Variants in PRKN observed in about 807,000 individuals in gnomAD.
PRKN encodes E3 ubiquitin-protein ligase parkin.
In PRKN, 56 loss-of-function variants were observed where a neutral mutation model predicts 59.5. That is an observed-to-expected ratio of 0.94 (90% confidence interval 0.76 to 1.18). The LOEUF (loss-of-function observed/expected upper bound fraction) is 1.18. Among genes scored for constraint, PRKN ranks in the 50% most tolerant of loss-of-function variants. The pLI, the probability that PRKN is intolerant of heterozygous loss-of-function variation, is 0.00. For synonymous variants in PRKN, 250 were observed against 222.1 expected (o/e 1.13, Z -1.12); for missense variants, 657 against 596.4 (o/e 1.10, Z -1.06).
chr6:162,252,846 A>T (rs1292285060), intron 3 of PRKN, among the ~76,000 whole-genome samples: 1 of 152,262 alleles, frequency 6.6e-6, no homozygotes, highest in Non-Finnish European at 1.5e-5. Flanking sequence ...GATGAGAATG[A>T]ACTATATTTC....
rs1400251175 is a variant in PRKN, at chr6:161,425,753, C to G, written c.1084-38876G>C. On this transcript the variant is annotated intron_variant, in intron 9 of 11. Coordinates refer to ENST00000366898, the MANE Select transcript of PRKN (RefSeq NM_004562.3). ...AAGTATTATGAGGAGATGAATTTGT[C>G]CAAATACTCAAATTTTGTGCTTTGT... is the stretch of plus-strand genomic sequence containing the variant. Among the ~76,000 whole-genome samples, 4 of 152,196 alleles carry G rather than the reference C, an allele frequency of 2.6e-5. No homozygotes were observed. In the South Asian group the frequency reaches 6.2e-4, roughly 24 times the overall value.
intron 7 of PRKN, among the ~76,000 whole-genome samples, chr6:161,691,858 T>C (rs906109710): frequency 6.6e-6 from 1 of 151,118 alleles, no homozygotes; most frequent in Non-Finnish European, 1.5e-5. Context: ...TCGATGAAGA[T>C]CTTAAAGGCG....
chr6:162,133,745 T>C (rs189357126), intron 4 of PRKN, among the ~76,000 whole-genome samples: 1 of 152,288 alleles, frequency 6.6e-6, no homozygotes, highest in East Asian at 1.9e-4. Flanking sequence ...CAAAGAGAAG[T>C]GGCCCATGTG....
At chr6:161,415,592 G>GCCACC (rs1562432936) in intron 9 of PRKN, among the ~76,000 whole-genome samples, 9 of 36,238 alleles carry the variant, frequency 2.5e-4, no homozygotes, top group South Asian at 2.0e-3. Context: ...AGGAAATGTC[G>GCCACC]CCCCCCCCCC....
In PRKN at chr6:161,347,905, C is replaced by T. The variant is rs149239597; in HGVS notation, c.*2194G>A. On this transcript the variant is annotated 3_prime_UTR_variant, in exon 12 of 12. Coordinates refer to ENST00000366898, the MANE Select transcript of PRKN (RefSeq NM_004562.3). ...TGCTGGGATTACAGGCATGAGCCAC[C>T]GCGCCCGGCCTGCTCTAACTTATTT... 428 of 159,714 alleles carry T rather than the reference C, an allele frequency of 2.7e-3. 5 individuals are homozygous for T. The highest frequency in any genetic ancestry group is 9.6e-3 in the African/African-American group (402 of 41,712). The allele number at this position is 159,714 out of a possible 1,614,324, so 9.9% of individuals were successfully genotyped here.
chr6:161,452,480 C>T (rs551030881), intron 9 of PRKN, among the ~76,000 whole-genome samples: 12 of 152,304 alleles, frequency 7.9e-5, no homozygotes, highest in South Asian at 4.1e-4. Flanking sequence ...AGCTGTTTCA[C>T]TAATTAACCA....
At chr6:162,068,415 C>A (rs1482692092) in intron 4 of PRKN, among the ~76,000 whole-genome samples, 1 of 152,168 alleles carries the variant, frequency 6.6e-6, no homozygotes, top group African/African-American at 2.4e-5. Context: ...GTGGGGCAGG[C>A]CTGGTGTGAC....
rs962015334 is a variant in PRKN, at chr6:162,328,298, A to AGGAGACG, written c.172-65534_172-65533insCGTCTCC. Among the ~76,000 whole-genome samples, 13 of 151,896 alleles carry AGGAGACG rather than the reference A, an allele frequency of 8.6e-5. No individual in the cohort carries two copies. The South Asian group carries it at 2.1e-3, about 24-fold the overall frequency. ...CACTTGAACCCAGGAGACAGGAGACAGAGGCTGCAGCGAGCCGAGATCGCA... is the reference window on the plus strand; with the variant it reads ...CACTTGAACCCAGGAGACAGGAGACAGGAGACGGAGGCTGCAGCGAGCCGAGATCGCA... On this transcript the variant is annotated intron_variant, in intron 2 of 11. Transcript: ENST00000366898.
In PRKN at chr6:161,626,549, G is replaced by A. The variant is rs532287176; in HGVS notation, c.872-57133C>T. 2.0e-5 allele frequency among the ~76,000 whole-genome samples: 3 copies of A among 152,242 alleles called. No homozygotes were observed. In the South Asian group the frequency reaches 6.2e-4, roughly 31 times the overall value. The stretch of plus-strand genomic sequence containing the variant: ...GCCAGACTGAAAGAACACGGAGCGT[G>A]TCTGGAGGATGCCGGCAAAGCTGAG... On this transcript the variant is annotated intron_variant, in intron 7 of 11. Transcript: ENST00000366898.
chr6:162,086,079 C>A (rs945637632), intron 4 of PRKN, among the ~76,000 whole-genome samples: 2 of 152,112 alleles, frequency 1.3e-5, no homozygotes, highest in African/African-American at 4.8e-5. Flanking sequence ...GGCAAATAAG[C>A]AGAGAGCAGC....
At chr6:161,831,031 C>A (rs547972986) in intron 6 of PRKN, among the ~76,000 whole-genome samples, 1 of 152,274 alleles carries the variant, frequency 6.6e-6, no homozygotes, top group South Asian at 2.1e-4. Flanking sequence ...TATCCAGATC[C>A]CTTTTTATCA....
chr6:161,487,153 C>A lies in PRKN; in HGVS notation c.1083+61701G>T, dbSNP rs2115259974. Among the ~76,000 whole-genome samples, 1 of 152,246 alleles carries A rather than the reference C, an allele frequency of 6.6e-6. No homozygotes were observed. The highest frequency in any genetic ancestry group is 1.5e-5 in the Non-Finnish European group (1 of 68,020). Reference sequence around the variant, plus strand: ...AACCATTGCCTGATAAACACTGTGCCCAGGACTGTATATGGATCATGTTTA... The same window carrying A: ...AACCATTGCCTGATAAACACTGTGCACAGGACTGTATATGGATCATGTTTA... On this transcript the variant is annotated intron_variant, in intron 9 of 11. Transcript: ENST00000366898. This position sits in a 1 kb window ranked among gnomAD's most constrained non-coding sequence, Gnocchi z 5.3.
chr6:162,611,440 C>T (rs1782143147), intron 1 of PRKN, among the ~76,000 whole-genome samples: 1 of 152,168 alleles, frequency 6.6e-6, no homozygotes, highest in African/African-American at 2.4e-5. Context: ...TATTAACTGA[C>T]AACAGCTTCC....
Position 161,357,879 on chromosome 6 carries a change from T to C in PRKN, c.1285+2209A>G, listed in dbSNP as rs948197583. On this transcript the variant is annotated intron_variant, in intron 11 of 11. Coordinates refer to ENST00000366898, the MANE Select transcript of PRKN (RefSeq NM_004562.3). This position sits in a 1 kb window ranked among gnomAD's most constrained non-coding sequence, Gnocchi z 5.5. ...CCGTCTCTGTTACTCCTCCTGCCCA[T>C]GCTGTGAGGAAGTCCCATTGAAACC... Among the ~76,000 whole-genome samples, 2 of 152,252 alleles carry C rather than the reference T, an allele frequency of 1.3e-5. No individual in the cohort carries two copies. The highest frequency in any genetic ancestry group is 4.8e-5 in the African/African-American group (2 of 41,460).
intron 6 of PRKN, among the ~76,000 whole-genome samples, chr6:161,858,933 C>T (rs1475515952): frequency 8.3e-6 from 1 of 120,388 alleles, no homozygotes; most frequent in Admixed American, 9.0e-5. Flanking sequence ...GTGATCTTGG[C>T]TCACTGCAAC....
In PRKN at chr6:161,499,688, G is replaced by C. The variant is rs1326567929; in HGVS notation, c.1083+49166C>G. On this transcript the variant is annotated intron_variant, in intron 9 of 11. Transcript: ENST00000366898. This position sits in a 1 kb window ranked among gnomAD's most constrained non-coding sequence, Gnocchi z 4.2. ...GTGGTGGTTTCTGCATTTTCCATAA[G>C]TAACCCTTTCCCTTGACAATTCTTA... Among the ~76,000 whole-genome samples, 1 of 152,192 alleles carries C rather than the reference G, an allele frequency of 6.6e-6. No homozygotes were observed.
At chr6:162,345,225 G>A (rs757972102) in intron 2 of PRKN, among the ~76,000 whole-genome samples, 9 of 152,218 alleles carry the variant, frequency 5.9e-5, no homozygotes, top group East Asian at 5.8e-4. Context: ...GATAAATCAC[G>A]GCACTTTCTG....
intron 9 of PRKN, among the ~76,000 whole-genome samples, chr6:161,434,157 A>C (rs1386562927): frequency 6.6e-6 from 1 of 152,156 alleles, no homozygotes; most frequent in Non-Finnish European, 1.5e-5. Context: ...GGAATATATT[A>C]TTAGGAAAAC....
chr6:162,504,942 C>T, intron 1 of PRKN, among the ~76,000 whole-genome samples: 1 of 152,304 alleles, frequency 6.6e-6, no homozygotes, highest in African/African-American at 2.4e-5. Context: ...AAGGAAGATG[C>T]TCCACCTCAG....
Sources: gnomAD v4.1 joint callset for allele counts (sites outside exome capture counted in the v4.1 genomes callset) on GRCh38, gnomAD v4.1.1 for gene constraint, Gnocchi (gnomAD v3.1) non-coding constraint, MANE v1.5 for transcripts, NCBI Gene and HGNC (gene_info 2026-07-23, HGNC 2026-07-21) for gene names.